The following C1orf54 variants were observed in gnomAD, a reference collection of about 807,000 sequenced individuals.
The protein encoded by C1orf54 is uncharacterized protein C1orf54.
A neutral mutation model predicts 14.7 loss-of-function variants in C1orf54; 12 were observed. The observed-to-expected ratio is 0.82, with a 90% CI of 0.52 to 1.32. The LOEUF (loss-of-function observed/expected upper bound fraction) is 1.32, where lower values mean the gene tolerates loss of function less well. Ranked by LOEUF, C1orf54 falls within the 40% of genes most tolerant of loss-of-function variation. The probability of loss-of-function intolerance (pLI) is 0.00; values close to 1 mark genes in which losing one functional copy is unlikely to be tolerated. For missense variants in C1orf54, 163 were observed against 162.2 expected (o/e 1.00, Z -0.03); for synonymous variants, 65 against 56.3 (o/e 1.16, Z -0.70).
At chr1:150,270,329 C>T (rs1162993510), upstream of C1orf54, among the ~76,000 whole-genome samples, 1 of 152,092 alleles carries the variant, frequency 6.6e-6, no homozygotes, top group Non-Finnish European at 1.5e-5. Flanking sequence ...TGGAAAGGAG[C>T]TGAGGAATAG....
chr1:150,277,386 C>A (rs1258042260), intron 4 of C1orf54, among the ~76,000 whole-genome samples: 1 of 150,868 alleles, frequency 6.6e-6, no homozygotes, highest in Non-Finnish European at 1.5e-5. Flanking sequence ...GCCTGTAATC[C>A]CAGCTACTTG....
Position 150,276,595 on chromosome 1 carries a change from C to T in C1orf54, c.263C>T (p.Pro88Leu), listed in dbSNP as rs148384729. The T allele has an allele frequency of 1.5e-5, 25 of 1,613,900 alleles. 1 individual carries two copies. In the African/African-American group the frequency reaches 1.9e-4, roughly 12 times the overall value. ...ISLETARADHPKPVTVKPVTT... is the reference protein window; with the variant it reads ...ISLETARADHLKPVTVKPVTT... ...CTTGAAACAGCACGTGCAGACCATC[C>T]GAAGCCTGTAACTGTGAAACCAGTA... The change falls in exon 4 of 6, where the codon CCG becomes CTG. Residue 88 changes from proline to leucine, a missense_variant. Physicochemically the swap from Pro to Leu is moderately conservative, Grantham distance 98. Transcript: ENST00000369099.
chr1:150,273,709 A>G (rs781983841), intron 1 of C1orf54, among the ~76,000 whole-genome samples: 56 of 152,316 alleles, frequency 3.7e-4, no homozygotes, highest in Non-Finnish European at 5.3e-4. Context: ...AAGATGTCTC[A>G]CAAATACAGT....
rs1553851558 is a variant in C1orf54 at position 150,272,878 on chromosome 1, C to T, written c.46+15C>T. The T allele has an allele frequency of 8.7e-6, 14 of 1,614,016 alleles. No individual in the cohort carries two copies. The highest frequency in any genetic ancestry group is 1.2e-5 in the Non-Finnish European group (14 of 1,179,902). The stretch of plus-strand genomic sequence containing the variant: ...ACTTATCCTGGGTAAGTCCACTCCT[C>T]TCTCTGAGCTTTTGTGCCAGGTCTT... On this transcript the variant is annotated intron_variant, in intron 1 of 5. Transcript: ENST00000369099.
At position 150,274,101 on chromosome 1, in the gene C1orf54, G is replaced by A. The variant is rs782151062; in HGVS notation, c.61G>A (p.Asp21Asn). 4 of 1,611,888 alleles carry A rather than the reference G, an allele frequency of 2.5e-6. No individual in the cohort carries two copies. Among genetic ancestry groups the A allele is most frequent in the Non-Finnish European group, 3.4e-6 (4 of 1,178,030 alleles). Residue 21 changes from aspartate (D) to asparagine (N), a missense_variant, in exon 2 of 6, where the codon GAT becomes AAT. Physicochemically the swap from Asp to Asn is conservative, Grantham distance 23 (BLOSUM62 1). Transcript: ENST00000369099. ...VPLILGQEYEDEERLGEDEYY... is the reference protein window; with the variant it reads ...VPLILGQEYENEERLGEDEYY... The stretch of plus-strand genomic sequence containing the variant: ...TGTCCCCATAGGACAAGAATATGAG[G>A]ATGAAGAAAGACTGGGAGAGGATGA...
At chr1:150,277,006 T>C (rs1398216307) in intron 4 of C1orf54, among the ~76,000 whole-genome samples, 2 of 152,194 alleles carry the variant, frequency 1.3e-5, no homozygotes, top group African/African-American at 4.8e-5. Context: ...TGATGTTAAA[T>C]TATATATAAA....
intron 4 of C1orf54, among the ~76,000 whole-genome samples, chr1:150,278,436 T>C (rs1652840199): frequency 6.6e-6 from 1 of 152,178 alleles, no homozygotes; most frequent in Non-Finnish European, 1.5e-5. Context: ...GACAGCCCTA[T>C]GAGGGTGTCC....
At chr1:150,272,614 T>C (rs1572097894), upstream of C1orf54, 1 of 596,004 alleles carries the variant, frequency 1.7e-6, no homozygotes, top group East Asian at 2.9e-5. Flanking sequence ...CTTTTGCCTC[T>C]CAATCTGGGC....
Position 150,276,512 on chromosome 1 carries a change from C to T in C1orf54, c.190-10C>T, listed in dbSNP as rs372422740. The stretch of plus-strand genomic sequence containing the variant: ...ATAACTCTGTGTTTCCCAAATCCTA[C>T]TGAGGGTAGAACAGGTTGGATAAGG... On this transcript the variant is annotated splice_polypyrimidine_tract_variant and intron_variant, in intron 3 of 5. Transcript: ENST00000369099. 1.4e-5 allele frequency: 22 copies of T among 1,603,284 alleles called. No individual in the cohort carries two copies. Among genetic ancestry groups the T allele is most frequent in the African/African-American group, 2.7e-5 (2 of 74,638 alleles).
intron 4 of C1orf54, among the ~76,000 whole-genome samples, chr1:150,278,221 A>C (rs1216059378): frequency 1.3e-5 from 2 of 152,210 alleles, no homozygotes; most frequent in African/African-American, 4.8e-5. Flanking sequence ...ATGAATGGAG[A>C]GGAGAAAAAT....
chr1:150,273,003 T>C (rs1652330083), intron 1 of C1orf54, 140 bp downstream of exon 1: 2 of 957,482 alleles, frequency 2.1e-6, no homozygotes, highest in Non-Finnish European at 3.2e-6. Flanking sequence ...GGTCCGGTGT[T>C]GAGGGCAGAA....
At chr1:150,278,299 A>T (rs1652832455) in intron 4 of C1orf54, among the ~76,000 whole-genome samples, 1 of 152,224 alleles carries the variant, frequency 6.6e-6, no homozygotes, top group Non-Finnish European at 1.5e-5. Context: ...GGAGTGAGTT[A>T]AAATAACTCA....
chr1:150,277,215 A>C (rs1553852674), intron 4 of C1orf54, among the ~76,000 whole-genome samples: 1 of 152,124 alleles, frequency 6.6e-6, no homozygotes, highest in African/African-American at 2.4e-5. Context: ...AGAGTGAAAG[A>C]GGCCAGGTAT....
intron 4 of C1orf54, among the ~76,000 whole-genome samples, chr1:150,279,098 G>A (rs1324765143): frequency 4.6e-5 from 7 of 152,134 alleles, no homozygotes; most frequent in Admixed American, 4.6e-4. Flanking sequence ...TGGCAAAACT[G>A]TGTCTCTACT....
Position 150,279,694 on chromosome 1 carries a change from C to G in C1orf54, c.352C>G (p.Leu118Val), listed in dbSNP as rs782528160. Residue 118 changes from leucine (L) to valine (V), a missense_variant, in exon 5 of 6, where the codon CTC becomes GTC. By Grantham distance (32) the Leu-to-Val change is conservative. Coordinates refer to ENST00000369099, the MANE Select transcript of C1orf54 (RefSeq NM_024579.4). The part of the protein sequence containing the change: ...VSSLRSPIPL[L>V]LSCAFVQVGM... ...CAGTTTGCGAAGTCCTATTCCCCTC[C>G]TCCTGTCGTGTGCCTTTGTTCAGGT... is the stretch of plus-strand genomic sequence containing the variant. 2.1e-5 allele frequency: 34 copies of G among 1,613,194 alleles called. No individual in the cohort carries two copies. Among genetic ancestry groups the G allele is most frequent in the East Asian group, 4.5e-5 (2 of 44,820 alleles).
intron 1 of C1orf54, 151 bp from the exon 2 acceptor site, chr1:150,273,936 C>G: frequency 1.6e-6 from 1 of 626,540 alleles, no homozygotes; most frequent in South Asian, 1.8e-5. Flanking sequence ...GGTGCACAGG[C>G]AAGAAAGGAG....
At position 150,279,691 on chromosome 1, in the gene C1orf54, C is replaced by T. The variant is rs1193396360; in HGVS notation, c.349C>T (p.Leu117Phe). ...AVSSLRSPIPLLLSCAFVQVG... is the reference protein window; with the variant it reads ...AVSSLRSPIPFLLSCAFVQVG... Reference sequence around the variant, plus strand: ...GTCCAGTTTGCGAAGTCCTATTCCCCTCCTCCTGTCGTGTGCCTTTGTTCA... The same window carrying T: ...GTCCAGTTTGCGAAGTCCTATTCCCTTCCTCCTGTCGTGTGCCTTTGTTCA... Residue 117 changes from leucine to phenylalanine, a missense_variant, in exon 5 of 6, where the codon CTC becomes TTC. By Grantham distance (22) the Leu-to-Phe change is conservative (BLOSUM62 0). Transcript: ENST00000369099. 3 of 1,613,140 alleles carry T rather than the reference C, an allele frequency of 1.9e-6. No homozygotes were observed. The highest frequency in any genetic ancestry group is 2.5e-6 in the Non-Finnish European group (3 of 1,179,648).
chr1:150,273,499 T>C (rs1352063320), intron 1 of C1orf54, among the ~76,000 whole-genome samples: 2 of 152,208 alleles, frequency 1.3e-5, no homozygotes, highest in African/African-American at 4.8e-5. Flanking sequence ...TCCAGTCATA[T>C]CAAAGCCACA....
At chr1:150,275,858 CG>C in intron 3 of C1orf54, 59 bp downstream of exon 3, 1 of 1,456,010 alleles carries the variant, frequency 6.9e-7, no homozygotes, top group Non-Finnish European at 9.6e-7. Flanking sequence ...AGAAACTGGC[CG>C]GGCGCAGTGG....
Sources: allele counts gnomAD v4.1 joint callset (sites outside exome capture counted in the v4.1 genomes callset), GRCh38; gene constraint gnomAD v4.1.1; transcripts MANE v1.5; gene names NCBI Gene and HGNC (gene_info 2026-07-23, HGNC 2026-07-21).